DIS3L2: variants seen among roughly 807,000 people sequenced by gnomAD.
The protein encoded by DIS3L2 is DIS3 like 3'-5' exoribonuclease 2.
In DIS3L2, 34 loss-of-function variants were observed where a neutral mutation model predicts 97.5. That is an observed-to-expected ratio of 0.35 (90% CI 0.27 to 0.46). The LOEUF (loss-of-function observed/expected upper bound fraction) is 0.46, where lower values mean the gene tolerates loss of function less well. DIS3L2 is among the 20% of genes least tolerant of loss of function. The pLI, the probability that DIS3L2 is intolerant of heterozygous loss-of-function variation, is 1.00. For missense variants in DIS3L2, 1,038 were observed against 1,146.0 expected (o/e 0.91, Z 1.36); for synonymous variants, 435 against 445.2 (o/e 0.98, Z 0.29).
chr2:232,157,221 G>A (rs1019769074), intron 8 of DIS3L2, among the ~76,000 whole-genome samples: 3 of 152,176 alleles, frequency 2.0e-5, no homozygotes, highest in Admixed American at 6.5e-5. Flanking sequence ...CCTTTCAACT[G>A]TAGAGATGAG....
intron 3 of DIS3L2, among the ~76,000 whole-genome samples, chr2:232,016,290 T>C (rs1431093763): frequency 3.3e-5 from 5 of 152,214 alleles, no homozygotes; most frequent in African/African-American, 7.2e-5. Flanking sequence ...GGAACAGTTA[T>C]GGTTAGAATA....
chr2:232,115,723 C>G (rs1697686559), intron 6 of DIS3L2, among the ~76,000 whole-genome samples: 1 of 152,204 alleles, frequency 6.6e-6, no homozygotes, highest in South Asian at 2.1e-4. Context: ...GCTCTTCTCT[C>G]TCCTGCTGCC....
At chr2:232,168,238 T>C (rs1462452634) in intron 9 of DIS3L2, among the ~76,000 whole-genome samples, 1 of 152,194 alleles carries the variant, frequency 6.6e-6, no homozygotes, top group African/African-American at 2.4e-5. Context: ...CAAAATGCAA[T>C]AATTTTTTTT....
At chr2:232,294,591 AC>A (rs1449871526) in intron 13 of DIS3L2, among the ~76,000 whole-genome samples, 2 of 151,892 alleles carry the variant, frequency 1.3e-5, no homozygotes, top group Non-Finnish European at 2.9e-5. Context: ...CTTGTTTTTG[AC>A]CAGCCATCTC....
At chr2:232,088,042 T>C (rs1696719014) in intron 6 of DIS3L2, among the ~76,000 whole-genome samples, 1 of 152,256 alleles carries the variant, frequency 6.6e-6, no homozygotes, top group Non-Finnish European at 1.5e-5. Context: ...ATTAAACTGG[T>C]ATGTAAAATT....
chr2:231,969,591 G>A (rs936598101), intron 1 of DIS3L2, among the ~76,000 whole-genome samples: 3 of 152,274 alleles, frequency 2.0e-5, no homozygotes, highest in South Asian at 2.1e-4. Context: ...GATTACAGGC[G>A]TGAACCACTG....
intron 5 of DIS3L2, among the ~76,000 whole-genome samples, chr2:232,051,879 C>T (rs964902952): frequency 5.7e-5 from 8 of 139,686 alleles, no homozygotes; most frequent in Non-Finnish European, 9.3e-5. Context: ...AGCAATGAAT[C>T]AAGTCAGCTC....
chr2:232,295,745 T>A (rs1694710116), intron 13 of DIS3L2, among the ~76,000 whole-genome samples: 1 of 152,234 alleles, frequency 6.6e-6, no homozygotes, highest in South Asian at 2.1e-4. Flanking sequence ...TTTTTCAACC[T>A]GTCACCCCGA....
chr2:231,961,802 G>C (rs1692560445), intron 1 of DIS3L2, 37 bp downstream of exon 1: 1 of 152,670 alleles, frequency 6.6e-6, no homozygotes, highest in Non-Finnish European at 1.5e-5. Flanking sequence ...GCACCGCCTA[G>C]TGCTGCACGA....
intron 8 of DIS3L2, among the ~76,000 whole-genome samples, chr2:232,148,757 T>TTC (rs1356252059): frequency 2.0e-5 from 3 of 146,674 alleles, no homozygotes; most frequent in Admixed American, 6.8e-5. Flanking sequence ...TCTTTTTTTT[T>TTC]TTTTTTTTTT....
At chr2:232,297,914 G>A (rs7561789) in intron 13 of DIS3L2, among the ~76,000 whole-genome samples, 13,540 of 152,050 alleles carry the variant, frequency 0.089, 760 homozygotes, top group African/African-American at 0.16. Context: ...TGTTGCCCAG[G>A]CTGGTCTCCT....
intron 1 of DIS3L2, among the ~76,000 whole-genome samples, chr2:231,985,781 A>T (rs1343835761): frequency 6.6e-6 from 1 of 152,182 alleles, no homozygotes; most frequent in Admixed American, 6.5e-5. Context: ...ATTTTCTTAC[A>T]TACTGTGATG....
chr2:232,155,065 G>C (rs571684773), intron 8 of DIS3L2, among the ~76,000 whole-genome samples: 1 of 150,164 alleles, frequency 6.7e-6, no homozygotes, highest in African/African-American at 2.5e-5. Flanking sequence ...TTCGGCTCGC[G>C]CACGGTGAGC....
At chr2:232,188,901 T>G (rs1325405410) in intron 9 of DIS3L2, among the ~76,000 whole-genome samples, 1 of 152,072 alleles carries the variant, frequency 6.6e-6, no homozygotes, top group African/African-American at 2.4e-5. Context: ...GCAATCCAAT[T>G]AGAAAATGGA....
rs552769073 is a variant in DIS3L2 at position 232,229,417 on chromosome 2, G to A, written c.1205-9116G>A. Among the ~76,000 whole-genome samples, 9 of 152,304 alleles carry A rather than the reference G, an allele frequency of 5.9e-5. 1 individual carries two copies. The Middle Eastern group carries it at 0.017, about 288-fold the overall frequency. ...TCACTGTCTTTTGGCTTTGAGTAAG[G>A]ACCAAGTGCCTGCCCTGCTGCTCTC... On this transcript the variant is annotated intron_variant, in intron 10 of 20. Transcript: ENST00000325385.
downstream of DIS3L2, among the ~76,000 whole-genome samples, chr2:232,341,261 G>C (rs569118387): frequency 4.0e-4 from 61 of 152,328 alleles, no homozygotes; most frequent in Admixed American, 1.6e-3. Context: ...AGTGGTGAGG[G>C]AGCAGCTCAG....
At chr2:232,154,032 G>A (rs1403681503) in intron 8 of DIS3L2, among the ~76,000 whole-genome samples, 6 of 129,802 alleles carry the variant, frequency 4.6e-5, no homozygotes, top group South Asian at 2.9e-4. Flanking sequence ...CGTAGTTCTC[G>A]AGCCTTGGTT....
chr2:232,282,817 C>T (rs972822040), intron 13 of DIS3L2, among the ~76,000 whole-genome samples: 1 of 152,170 alleles, frequency 6.6e-6, no homozygotes, highest in Non-Finnish European at 1.5e-5. Flanking sequence ...GAGCACTTGG[C>T]CATTTTCCCC....
Position 232,037,073 on chromosome 2 carries a change from G to T in DIS3L2, c.366+6993G>T, listed in dbSNP as rs1012568624. On this transcript the variant is annotated intron_variant, in intron 5 of 20. Coordinates refer to ENST00000325385, the MANE Select transcript of DIS3L2 (RefSeq NM_152383.5). The surrounding 1 kb of genome is among the most constrained non-coding windows in gnomAD (Gnocchi z 4.6). Reference sequence around the variant, plus strand: ...GCAGAGCTAGAGCGCTGTGCTGGGAGATCTGCTGCTCTCTTCAGAGCTGGC... The same window carrying T: ...GCAGAGCTAGAGCGCTGTGCTGGGATATCTGCTGCTCTCTTCAGAGCTGGC... 2.6e-5 allele frequency among the ~76,000 whole-genome samples: 4 copies of T among 152,248 alleles called. No individual in the cohort carries two copies. Among genetic ancestry groups the T allele is most frequent in the African/African-American group, 9.6e-5 (4 of 41,462 alleles).
Sources: allele counts gnomAD v4.1 joint callset (sites outside exome capture counted in the v4.1 genomes callset), GRCh38; gene constraint gnomAD v4.1.1; non-coding constraint Gnocchi (gnomAD v3.1); transcripts MANE v1.5; gene names NCBI Gene and HGNC (gene_info 2026-07-23, HGNC 2026-07-21).